The following SLC26A7 variants were observed in gnomAD, a reference collection of about 807,000 sequenced individuals.
The protein encoded by SLC26A7 is solute carrier family 26 member 7.
A neutral mutation model predicts 82.5 loss-of-function variants in SLC26A7; 59 were observed. That is an observed-to-expected ratio of 0.72 (90% CI 0.58 to 0.89). The LOEUF is 0.89. SLC26A7 is among the 40% of genes least tolerant of loss of function. The pLI, the probability that SLC26A7 is intolerant of heterozygous loss-of-function variation, is 0.00. For synonymous variants in SLC26A7, 271 were observed against 274.3 expected, an observed-to-expected ratio of 0.99 and a Z score of 0.12; for missense variants, 820 against 793.0, an observed-to-expected ratio of 1.03 and a Z score of -0.41.
intron 5 of SLC26A7, among the ~76,000 whole-genome samples, chr8:91,331,744 A>G (rs1813088105): frequency 6.6e-6 from 1 of 152,098 alleles, no homozygotes; most frequent in Non-Finnish European, 1.5e-5. Flanking sequence ...CAGATCACCA[A>G]AGTATTGCAA....
rs866023753 is a variant in SLC26A7 at position 91,343,353 on chromosome 8, G to C, written c.1027G>C (p.Glu343Gln). Residue 343 changes from glutamate to glutamine, a missense_variant and splice_region_variant, in exon 9 of 19, where the codon GAA (glutamate) becomes CAA (glutamine). Physicochemically the swap from Glu to Gln is conservative, Grantham distance 29. Coordinates refer to ENST00000276609, the MANE Select transcript of SLC26A7 (RefSeq NM_052832.4). ...ATATATTCTCTCATGAATCTTGCAG[G>C]AATTTTTGGCCCATGGCCTCAGCAA... ...KFKYSIDDNQ[E>Q]FLAHGLSNIV... 1 of 1,593,446 alleles carries C rather than the reference G, an allele frequency of 6.3e-7. No homozygotes were observed. The highest frequency in any genetic ancestry group is 1.3e-5 in the African/African-American group (1 of 74,642).
intron 11 of SLC26A7, 120 bp from the exon 12 acceptor site, chr8:91,362,233 T>C (rs894716620): frequency 3.0e-5 from 19 of 640,356 alleles, no homozygotes; most frequent in Middle Eastern, 3.1e-4. Flanking sequence ...TAAATAATAT[T>C]TTCTTGCTGA....
intron 6 of SLC26A7, among the ~76,000 whole-genome samples, chr8:91,336,827 A>C (rs1813257680): frequency 6.6e-6 from 1 of 152,076 alleles, no homozygotes; most frequent in Admixed American, 6.6e-5. Context: ...AATACCCTGC[A>C]TACTTCCATT....
intron 4 of SLC26A7, among the ~76,000 whole-genome samples, chr8:91,305,320 T>G (rs1812275717): frequency 6.6e-6 from 1 of 152,170 alleles, no homozygotes; most frequent in South Asian, 2.1e-4. Flanking sequence ...CAAATAGTAA[T>G]AAACTTATAC....
intron 2 of SLC26A7, among the ~76,000 whole-genome samples, chr8:91,229,116 C>T (rs943763521): frequency 1.3e-5 from 2 of 152,170 alleles, no homozygotes; most frequent in East Asian, 3.9e-4. Context: ...TGCTCGAATC[C>T]TGCCAGTCTC....
chr8:91,313,474 T>C (rs964005682), intron 4 of SLC26A7, among the ~76,000 whole-genome samples: 2 of 152,164 alleles, frequency 1.3e-5, no homozygotes, highest in African/African-American at 4.8e-5. Flanking sequence ...TTCTCCCATA[T>C]CTCTGAACAG....
chr8:91,386,745 C>T (rs1395323212), intron 15 of SLC26A7, among the ~76,000 whole-genome samples: 3 of 152,122 alleles, frequency 2.0e-5, no homozygotes, highest in Non-Finnish European at 2.9e-5. Flanking sequence ...GTAAATATTT[C>T]TACTATCACT....
intron 1 of SLC26A7, among the ~76,000 whole-genome samples, chr8:91,210,562 G>GAC (rs35968986): frequency 0.073 from 10,738 of 146,100 alleles, 385 homozygotes; most frequent in Middle Eastern, 0.16. Context: ...CACACACACA[G>GAC]ACACACACAC....
At chr8:91,209,927 A>G (rs1306369587) in intron 1 of SLC26A7, among the ~76,000 whole-genome samples, 1 of 152,324 alleles carries the variant, frequency 6.6e-6, no homozygotes, top group Non-Finnish European at 1.5e-5. Context: ...AGTTCTTACT[A>G]TATGCAAGGT....
chr8:91,379,819 G>A (rs773068547), intron 15 of SLC26A7, among the ~76,000 whole-genome samples: 1 of 151,906 alleles, frequency 6.6e-6, no homozygotes, highest in East Asian at 1.9e-4. Context: ...TTATTTTTAA[G>A]AACTTTTGTT....
At position 91,397,180 on chromosome 8, in the gene SLC26A7, G is replaced by A. The variant is rs1268746498; in HGVS notation, c.*2083G>A. 2.6e-5 allele frequency: 4 copies of A among 152,034 alleles called. No individual in the cohort carries two copies. Among genetic ancestry groups the A allele is most frequent in the African/African-American group, 9.7e-5 (4 of 41,416 alleles). 9.4% of individuals were successfully genotyped at this position (152,034 alleles called of 1,614,324 possible). A position where few individuals can be genotyped will look rare whatever the true frequency, so the allele number is the denominator to read the frequency against. On this transcript the variant is annotated 3_prime_UTR_variant, in exon 19 of 19. Transcript: ENST00000276609. ...TGCTAATGTTTTATTCAATGTAAAGGAAGACCAAACCATGTACCTTATGAA... is the reference window on the plus strand; with the variant it reads ...TGCTAATGTTTTATTCAATGTAAAGAAAGACCAAACCATGTACCTTATGAA...
rs185591720 is a variant in SLC26A7, at chr8:91,393,560, G to A, written c.1777-237G>A. Among the ~76,000 whole-genome samples, 54 of 152,220 alleles carry A rather than the reference G, an allele frequency of 3.5e-4. 1 individual carries two copies. The highest frequency in any genetic ancestry group is 3.4e-3 in the Admixed American group (52 of 15,286). ...ACTGTTTTTACTTTTATTAAATGAT[G>A]TGGAAAAGGTAAGCAGTCAAATTTA... On this transcript the variant is annotated intron_variant, in intron 16 of 18. Transcript: ENST00000276609.
rs1369961178 is a variant in SLC26A7, at chr8:91,397,902, A to G, written c.*2805A>G. Reference sequence around the variant, plus strand: ...AAATGCACATTCTGTATTTTGTGGGATGATAATCTAATTCAGTATAGAATA... The same window carrying G: ...AAATGCACATTCTGTATTTTGTGGGGTGATAATCTAATTCAGTATAGAATA... On this transcript the variant is annotated 3_prime_UTR_variant, in exon 19 of 19. Transcript: ENST00000276609. 6.6e-6 allele frequency: 1 copy of G among 152,530 alleles called. No homozygotes were observed. The highest frequency in any genetic ancestry group is 2.4e-5 in the African/African-American group (1 of 41,436). The allele number at this position is 152,530 out of a possible 1,614,324, so 9.4% of individuals were successfully genotyped here.
intron 2 of SLC26A7, among the ~76,000 whole-genome samples, chr8:91,242,344 A>G (rs1810486349): frequency 6.6e-6 from 1 of 152,242 alleles, no homozygotes; most frequent in Admixed American, 6.5e-5. Context: ...ACTAAGGAAT[A>G]AATTTTGATA....
intron 4 of SLC26A7, among the ~76,000 whole-genome samples, chr8:91,299,008 T>C (rs773965566): frequency 3.3e-5 from 5 of 152,160 alleles, no homozygotes; most frequent in African/African-American, 7.2e-5. Flanking sequence ...TTTTGAACTT[T>C]AGCCAAGCAG....
chr8:91,367,867 C>T (rs755586322), intron 14 of SLC26A7, among the ~76,000 whole-genome samples: 1 of 152,138 alleles, frequency 6.6e-6, no homozygotes, highest in Non-Finnish European at 1.5e-5. Flanking sequence ...GATCTTGACC[C>T]TCCCATTTCT....
intron 2 of SLC26A7, among the ~76,000 whole-genome samples, chr8:91,266,008 G>A (rs906208839): frequency 7.2e-5 from 11 of 151,972 alleles, no homozygotes; most frequent in Non-Finnish European, 1.5e-4. Context: ...AAAAGTCCTT[G>A]CTCAGACCAA....
At chr8:91,318,171 G>A (rs1310429246) in intron 4 of SLC26A7, 45 bp from the exon 5 acceptor site, 1 of 1,537,592 alleles carries the variant, frequency 6.5e-7, no homozygotes, top group Admixed American at 2.0e-5. Flanking sequence ...GGAACTTTGG[G>A]GAGTTTCATC....
Position 91,219,830 on chromosome 8 carries a change from T to C in SLC26A7, c.-34+825T>C, listed in dbSNP as rs939028181. 3.9e-5 allele frequency among the ~76,000 whole-genome samples: 6 copies of C among 152,278 alleles called. No homozygotes were observed. The South Asian group carries it at 1.2e-3, about 32-fold the overall frequency. On this transcript the variant is annotated intron_variant, in intron 2 of 5. Transcript: ENST00000522862. ...CCCTCCACGTGATCTCTTTGCATGC[T>C]CTAGTTTGAGAACCACAGGATAGAC... is the stretch of plus-strand genomic sequence containing the variant.
Sources: allele counts gnomAD v4.1 joint callset (sites outside exome capture counted in the v4.1 genomes callset), GRCh38; gene constraint gnomAD v4.1.1; transcripts MANE v1.5; gene names NCBI Gene and HGNC (gene_info 2026-07-23, HGNC 2026-07-21).